The following SND1 variants were observed in gnomAD, a reference collection of about 807,000 sequenced individuals.
SND1 encodes staphylococcal nuclease and tudor domain containing 1.
SND1 carries 38 observed loss-of-function variants against 121.7 expected under a neutral mutation model. That is an observed-to-expected ratio of 0.31 (90% CI 0.24 to 0.41). The LOEUF (loss-of-function observed/expected upper bound fraction) is 0.41, where lower values mean the gene tolerates loss of function less well. Among genes scored for constraint, SND1 ranks in the 10% least tolerant of loss-of-function variants. The probability of loss-of-function intolerance (pLI) is 1.00; values close to 1 mark genes in which losing one functional copy is unlikely to be tolerated. For synonymous variants in SND1, 401 were observed against 447.4 expected, an observed-to-expected ratio of 0.90 and a Z score of 1.31; for missense variants, 868 against 1,184.6, an observed-to-expected ratio of 0.73 and a Z score of 3.92.
At chr7:127,670,499 A>G (rs1562972801) in intron 1 of SND1, among the ~76,000 whole-genome samples, 1 of 152,174 alleles carries the variant, frequency 6.6e-6, no homozygotes, top group Non-Finnish European at 1.5e-5. Context: ...TTGCGGCCAG[A>G]TTGGAAAACT....
At chr7:127,718,843 C>A in intron 9 of SND1, 1 of 673,590 alleles carries the variant, frequency 1.5e-6, no homozygotes, top group Non-Finnish European at 1.8e-6. Context: ...TTTCTCGTGT[C>A]TTGATTATAG....
chr7:127,954,580 C>T (rs539410599), intron 15 of SND1, among the ~76,000 whole-genome samples: 1 of 152,272 alleles, frequency 6.6e-6, no homozygotes, highest in South Asian at 2.1e-4. Flanking sequence ...TGACCACTCT[C>T]CAAGAGCTTT....
At chr7:127,872,787 G>A (rs1305940767) in intron 12 of SND1, among the ~76,000 whole-genome samples, 2 of 152,112 alleles carry the variant, frequency 1.3e-5, no homozygotes, top group African/African-American at 4.8e-5. Context: ...CTACAGATGT[G>A]AAATTATTTT....
In SND1 at chr7:127,740,705, T is replaced by C. The variant is rs371193092; in HGVS notation, c.1152+19305T>C. On this transcript the variant is annotated intron_variant, in intron 10 of 23. Coordinates refer to ENST00000354725, the MANE Select transcript of SND1 (RefSeq NM_014390.4). The stretch of plus-strand genomic sequence containing the variant: ...GGGTGGGGGGTGGTCTAGTAGCTTT[T>C]CTTCCCTCCACCTTCCAAAGCTCCT... Among the ~76,000 whole-genome samples, 4 of 152,316 alleles carry C rather than the reference T, an allele frequency of 2.6e-5. No individual in the cohort carries two copies. In the South Asian group the frequency reaches 8.3e-4, roughly 32 times the overall value.
intron 1 of SND1, among the ~76,000 whole-genome samples, chr7:127,684,891 A>G (rs1328429085): frequency 6.6e-6 from 1 of 151,654 alleles, no homozygotes; most frequent in Non-Finnish European, 1.5e-5. Context: ...ATGTACAATT[A>G]AATATTGTAT....
At chr7:128,042,902 A>T (rs953161205) in intron 16 of SND1, among the ~76,000 whole-genome samples, 6 of 152,234 alleles carry the variant, frequency 3.9e-5, no homozygotes, top group Admixed American at 1.3e-4. Context: ...TTTGTTATTA[A>T]TGAGTTTTCT....
At chr7:127,906,541 G>T (rs1045661139) in intron 14 of SND1, among the ~76,000 whole-genome samples, 1 of 152,140 alleles carries the variant, frequency 6.6e-6, no homozygotes, top group Non-Finnish European at 1.5e-5. Context: ...TTTGGAAAAT[G>T]CAATGAAAAC....
At chr7:127,885,259 A>T (rs980263455) in intron 12 of SND1, among the ~76,000 whole-genome samples, 1 of 152,186 alleles carries the variant, frequency 6.6e-6, no homozygotes, top group Non-Finnish European at 1.5e-5. Flanking sequence ...GGTGTATCAC[A>T]TGGGGAACCC....
intron 14 of SND1, among the ~76,000 whole-genome samples, chr7:127,913,555 C>T (rs1046203914): frequency 6.6e-6 from 1 of 152,176 alleles, no homozygotes; most frequent in Non-Finnish European, 1.5e-5. Flanking sequence ...CTTTCCCATT[C>T]TCTGGGTGTA....
intron 16 of SND1, among the ~76,000 whole-genome samples, chr7:128,007,877 C>G (rs541101792): frequency 1.3e-5 from 2 of 152,128 alleles, no homozygotes; most frequent in Non-Finnish European, 1.5e-5. Context: ...TAGAAGGGAT[C>G]TAGAGGTTAT....
intron 10 of SND1, among the ~76,000 whole-genome samples, chr7:127,796,112 C>T (rs1343387259): frequency 6.6e-6 from 1 of 151,626 alleles, no homozygotes; most frequent in East Asian, 1.9e-4. Flanking sequence ...CCTCCTTGGC[C>T]TCCCAAAGTG....
chr7:127,823,480 A>G (rs1584599322), intron 11 of SND1, among the ~76,000 whole-genome samples: 1 of 152,158 alleles, frequency 6.6e-6, no homozygotes, highest in East Asian at 1.9e-4. Context: ...TCTCAGGGGG[A>G]CTTAATTTAC....
At chr7:127,789,754 T>C (rs1584574211) in intron 10 of SND1, among the ~76,000 whole-genome samples, 1 of 152,240 alleles carries the variant, frequency 6.6e-6, no homozygotes, top group Non-Finnish European at 1.5e-5. Context: ...GTGTTTTCTC[T>C]GGATTCCTCA....
chr7:127,739,912 A>G (rs543864835), intron 10 of SND1, among the ~76,000 whole-genome samples: 17 of 152,296 alleles, frequency 1.1e-4, no homozygotes, highest in African/African-American at 3.6e-4. Flanking sequence ...TTTTGGCCCA[A>G]GTCTTAAAGT....
intron 1 of SND1, among the ~76,000 whole-genome samples, chr7:127,662,437 T>G (rs993995638): frequency 1.3e-5 from 2 of 152,240 alleles, no homozygotes; most frequent in African/African-American, 4.8e-5. Context: ...CTTTTCATAA[T>G]TCTAAGCACT....
chr7:127,741,016 C>T (rs1796872597), intron 10 of SND1, among the ~76,000 whole-genome samples: 1 of 152,060 alleles, frequency 6.6e-6, no homozygotes, highest in African/African-American at 2.4e-5. Context: ...TAAATATTTC[C>T]CATCTGGAAA....
intron 1 of SND1, among the ~76,000 whole-genome samples, chr7:127,665,486 C>T (rs559279111): frequency 2.0e-5 from 3 of 152,010 alleles, no homozygotes; most frequent in Admixed American, 6.5e-5. Flanking sequence ...CGCGCCCGGC[C>T]GACAGTCAAC....
chr7:127,891,232 T>G (rs767142907), intron 13 of SND1, among the ~76,000 whole-genome samples: 4 of 152,076 alleles, frequency 2.6e-5, no homozygotes, highest in African/African-American at 4.8e-5. Flanking sequence ...TGGTGTTTTG[T>G]TTTGGTGGCT....
chr7:127,679,191 C>G (rs75664303), intron 1 of SND1: 2,958 of 152,306 alleles, frequency 0.019, 106 homozygotes, highest in African/African-American at 0.068. Context: ...CACTGAAGTT[C>G]TGTCTTTTTC....
Sources: gnomAD v4.1 joint callset for allele counts (sites outside exome capture counted in the v4.1 genomes callset) on GRCh38, gnomAD v4.1.1 for gene constraint, MANE v1.5 for transcripts, NCBI Gene and HGNC (gene_info 2026-07-23, HGNC 2026-07-21) for gene names.